The following SRGAP1 variants were observed in gnomAD, a reference collection of about 807,000 sequenced individuals.
The protein encoded by SRGAP1 is SLIT-ROBO Rho GTPase activating protein 1, also known as SLIT-ROBO Rho GTPase-activating protein 1.
SRGAP1 carries 43 observed loss-of-function variants against 121.9 expected under a neutral mutation model. The observed-to-expected ratio is 0.35, with a 90% confidence interval of 0.28 to 0.46. The LOEUF (loss-of-function observed/expected upper bound fraction) is 0.46. Ranked by LOEUF, SRGAP1 falls within the 20% of genes least tolerant of loss-of-function variation. The pLI, the probability that SRGAP1 is intolerant of heterozygous loss-of-function variation, is 1.00. For missense variants in SRGAP1, 1,102 were observed against 1,350.9 expected (o/e 0.82, Z 2.89); for synonymous variants, 447 against 485.4 (o/e 0.92, Z 1.04).
At chr12:63,903,434 CAG>C (rs2030035912) in intron 1 of SRGAP1, among the ~76,000 whole-genome samples, 1 of 152,060 alleles carries the variant, frequency 6.6e-6, no homozygotes, top group Admixed American at 6.6e-5. Context: ...TTAGTAGAGA[CAG>C]GGTTTCATCA....
chr12:63,995,672 G>A (rs927643807), intron 3 of SRGAP1, among the ~76,000 whole-genome samples: 2 of 152,058 alleles, frequency 1.3e-5, no homozygotes, highest in Admixed American at 1.3e-4. Context: ...GCAGAAACTG[G>A]CCCAAAGCCA....
intron 1 of SRGAP1, among the ~76,000 whole-genome samples, chr12:63,960,096 A>G (rs1037987557): frequency 6.6e-6 from 1 of 152,192 alleles, no homozygotes; most frequent in African/African-American, 2.4e-5. Flanking sequence ...TAGACGATGG[A>G]TCAACTTTTT....
At chr12:64,108,031 G>T (rs1413523918) in intron 15 of SRGAP1, among the ~76,000 whole-genome samples, 1 of 152,166 alleles carries the variant, frequency 6.6e-6, no homozygotes, top group Non-Finnish European at 1.5e-5. Context: ...CACTTGCCCA[G>T]TTCTCATTTT....
chr12:64,027,801 T>A (rs561669472), intron 4 of SRGAP1, among the ~76,000 whole-genome samples: 2 of 151,732 alleles, frequency 1.3e-5, no homozygotes, highest in African/African-American at 4.9e-5. Context: ...ATGTATTGAA[T>A]TAGGGGCATA....
chr12:64,090,794 C>G (rs2036037026), intron 11 of SRGAP1, among the ~76,000 whole-genome samples: 1 of 152,070 alleles, frequency 6.6e-6, no homozygotes, highest in South Asian at 2.1e-4. Context: ...GAGCCATGAT[C>G]ATTCCACTAC....
chr12:64,137,961 AATAT>A (rs1555177363), intron 21 of SRGAP1, among the ~76,000 whole-genome samples: 1 of 139,680 alleles, frequency 7.2e-6, no homozygotes, highest in African/African-American at 2.7e-5. Flanking sequence ...TTAAAAAAAA[AATAT>A]ATATATATAT....
chr12:63,975,468 G>A (rs925688936), intron 1 of SRGAP1, among the ~76,000 whole-genome samples: 1 of 151,988 alleles, frequency 6.6e-6, no homozygotes, highest in African/African-American at 2.4e-5. Flanking sequence ...ATTTTAAAAA[G>A]TAAAAAGAAA....
chr12:63,901,037 G>T (rs571267358), intron 1 of SRGAP1, among the ~76,000 whole-genome samples: 132 of 151,290 alleles, frequency 8.7e-4, no homozygotes, highest in Middle Eastern at 3.4e-3. Context: ...CTGCTGGTTT[G>T]GGTTGCTGCT....
intron 3 of SRGAP1, among the ~76,000 whole-genome samples, chr12:63,995,995 C>T (rs2033689258): frequency 6.7e-6 from 1 of 149,808 alleles, no homozygotes; most frequent in African/African-American, 2.4e-5. Flanking sequence ...CACTTGACTA[C>T]AGATCTCTAA....
At chr12:64,016,861 C>T (rs143757040) in intron 3 of SRGAP1, 89 bp from the exon 4 acceptor site, 49 of 696,184 alleles carry the variant, frequency 7.0e-5, no homozygotes, top group African/African-American at 2.7e-4. Context: ...GTCTTTCTGT[C>T]GTGTTAGATA....
rs111898149 is a variant in SRGAP1 at position 63,885,930 on chromosome 12, A to G, written c.67+41047A>G. ...TATGTAGAATCATCGGTGGGAAGAAAAGCATTTTGCTATTTCAAATGTCCT... is the reference window on the plus strand; with the variant it reads ...TATGTAGAATCATCGGTGGGAAGAAGAGCATTTTGCTATTTCAAATGTCCT... On this transcript the variant is annotated intron_variant, in intron 1 of 21. Coordinates refer to ENST00000355086, the MANE Select transcript of SRGAP1 (RefSeq NM_020762.4). Among the ~76,000 whole-genome samples the G allele has an allele frequency of 9.9e-3, 1,511 of 152,306 alleles. 33 individuals are homozygous for G. The highest frequency in any genetic ancestry group is 0.034 in the African/African-American group (1,421 of 41,564).
At chr12:64,004,141 C>T (rs1221690247) in intron 3 of SRGAP1, among the ~76,000 whole-genome samples, 2 of 152,054 alleles carry the variant, frequency 1.3e-5, no homozygotes, top group Non-Finnish European at 2.9e-5. Flanking sequence ...ATTGAGTCTT[C>T]CATCCTAGTT....
intron 15 of SRGAP1, among the ~76,000 whole-genome samples, chr12:64,107,317 G>T (rs921551238): frequency 1.3e-5 from 2 of 152,138 alleles, no homozygotes; most frequent in African/African-American, 4.8e-5. Context: ...CTGCATAAAA[G>T]AATCTCAGGC....
chr12:64,013,001 G>A lies in SRGAP1; in HGVS notation c.427-3949G>A, dbSNP rs191887105. ...AATCTTCCTGCCTCAGCCTCCCAAA[G>A]TGCTAGGATTATAGGTGTGAGCCAC... On this transcript the variant is annotated intron_variant, in intron 3 of 21. Transcript: ENST00000355086. Among the ~76,000 whole-genome samples, 25 of 152,218 alleles carry A rather than the reference G, an allele frequency of 1.6e-4. No individual in the cohort carries two copies. The East Asian group carries it at 4.4e-3, about 27-fold the overall frequency.
In SRGAP1 at chr12:64,115,876, C is replaced by T; in HGVS notation, c.2207C>T (p.Pro736Leu). Residue 736 changes from proline (P) to leucine (L), a missense_variant, in exon 18 of 22, where the codon CCC becomes CTC. Around this residue, in one of 3 missense-constraint regions of SRGAP1, gnomAD observed 747 missense variants for 929.4 expected, o/e 0.80. Coordinates refer to ENST00000355086, the MANE Select transcript of SRGAP1 (RefSeq NM_020762.4). ...GTGGACCAAGATGCTGGTACAGAGC[C>T]CCACACAAGTGAAGATGGTATGCTC... ...EEVDQDAGTE[P>L]HTSEDECEPI... The T allele has an allele frequency of 6.2e-7, 1 of 1,612,918 alleles. No homozygotes were observed. The highest frequency in any genetic ancestry group is 8.5e-7 in the Non-Finnish European group (1 of 1,179,380).
intron 3 of SRGAP1, among the ~76,000 whole-genome samples, chr12:64,014,008 A>G (rs1360511086): frequency 1.3e-5 from 2 of 152,252 alleles, no homozygotes; most frequent in Non-Finnish European, 2.9e-5. Flanking sequence ...GGGAGTTGCC[A>G]TAACGAATAG....
intron 21 of SRGAP1, among the ~76,000 whole-genome samples, chr12:64,135,010 C>T (rs187014115): frequency 7.0e-4 from 106 of 152,262 alleles, no homozygotes; most frequent in Admixed American, 1.2e-3. Flanking sequence ...TGGCAGCTGC[C>T]TCATGGGAGG....
Position 63,911,472 on chromosome 12 carries a change from T to G in SRGAP1, c.67+66589T>G, listed in dbSNP as rs74099360. Among the ~76,000 whole-genome samples, 335 of 152,210 alleles carry G rather than the reference T, an allele frequency of 2.2e-3. 3 individuals are homozygous for G. The highest frequency in any genetic ancestry group is 7.6e-3 in the African/African-American group (317 of 41,540). ...ACCCATCCATGTAGTTGTGGTGGTGTTTTGTCTAGACGGCTGTGCCCTTAG... is the reference window on the plus strand; with the variant it reads ...ACCCATCCATGTAGTTGTGGTGGTGGTTTGTCTAGACGGCTGTGCCCTTAG... On this transcript the variant is annotated intron_variant, in intron 1 of 21. Transcript: ENST00000355086.
intron 3 of SRGAP1, among the ~76,000 whole-genome samples, chr12:64,016,379 C>T (rs1191734689): frequency 2.6e-5 from 4 of 152,142 alleles, no homozygotes; most frequent in Admixed American, 6.5e-5. Context: ...CTCAGCTATT[C>T]GGGAGGCTGA....
Sources: allele counts gnomAD v4.1 joint callset (sites outside exome capture counted in the v4.1 genomes callset), GRCh38; gene constraint gnomAD v4.1.1; regional missense constraint gnomAD v4.1.1; transcripts MANE v1.5; gene names NCBI Gene and HGNC (gene_info 2026-07-23, HGNC 2026-07-21).